The following POLG variants were observed in gnomAD, a reference collection of about 807,000 sequenced individuals.
POLG encodes the protein DNA polymerase gamma, catalytic subunit.
A neutral mutation model predicts 155.4 loss-of-function variants in POLG; 110 were observed. The observed-to-expected ratio is 0.71, with a 90% CI of 0.61 to 0.83. POLG has a LOEUF of 0.83. Ranked by LOEUF, POLG falls within the 40% of genes least tolerant of loss-of-function variation. The pLI is 0.00. For synonymous variants in POLG, 701 were observed against 631.5 expected (o/e 1.11, Z -1.65); for missense variants, 1,685 against 1,627.5 (o/e 1.04, Z -0.61).
chr15:89,333,461 G>T lies in POLG; in HGVS notation c.294C>A (p.Ala98=). The change falls in exon 2 of 23, where the codon GCC becomes GCA. Residue 98 remains alanine (A), a synonymous_variant. Transcript: ENST00000268124. ...GGTGCTCGACGCTGCGGCGCACCGC[G>T]GCCTCGCCAGGCATCTCCCCTCCTT... is the stretch of plus-strand genomic sequence containing the variant. ...FGQGGEMPGE[A]AVRRSVEHLQ... 6.2e-7 allele frequency: 1 copy of T among 1,611,272 alleles called. No homozygotes were observed.
chr15:89,316,622 C>T lies in POLG; in HGVS notation c.*129G>A, dbSNP rs909223789. On this transcript the variant is annotated 3_prime_UTR_variant, in exon 23 of 23. Coordinates refer to ENST00000268124, the MANE Select transcript of POLG (RefSeq NM_002693.3). ...GTTAGAAGGAATCTTCTTGGCAGGT[C>T]CTGCTACTGAAAAATGGCTGGCCTT... 5 of 1,113,954 alleles carry T rather than the reference C, an allele frequency of 4.5e-6. No homozygotes were observed. The African/African-American group carries it at 6.2e-5, about 14-fold the overall frequency. 69.0% of individuals were successfully genotyped at this position (1,113,954 alleles called of 1,614,324 possible).
rs2055467668 is a variant in POLG, at chr15:89,325,101, A to AGTGAGTGAGT, written c.1949+348_1949+349insACTCACTCAC. 5.6e-5 allele frequency among the ~76,000 whole-genome samples: 4 copies of AGTGAGTGAGT among 71,052 alleles called. 1 individual carries two copies. Among genetic ancestry groups the AGTGAGTGAGT allele is most frequent in the African/African-American group, 3.9e-4 (3 of 7,708 alleles). 46.6% of individuals were successfully genotyped at this position (71,052 alleles called of 152,430 possible). A position where few individuals can be genotyped will look rare whatever the true frequency, so the allele number is the denominator to read the frequency against. Reference sequence around the variant, plus strand: ...GTGAGTGAGAGAGTGAGTGAGTGAGAGAGTGAGAGAGAGTGAGTGAGTGAG... The same window carrying AGTGAGTGAGT: ...GTGAGTGAGAGAGTGAGTGAGTGAGAGTGAGTGAGTGAGTGAGAGAGAGTGAGTGAGTGAG... On this transcript the variant is annotated intron_variant, in intron 10 of 22. Transcript: ENST00000268124.
intron 13 of POLG, 92 bp downstream of exon 13, chr15:89,323,312 G>T (rs1204867448): frequency 1.3e-6 from 1 of 787,854 alleles, no homozygotes; most frequent in Non-Finnish European, 2.2e-6. Flanking sequence ...CCCACAAAAA[G>T]GAAAGTCTCA....
intron 2 of POLG, among the ~76,000 whole-genome samples, chr15:89,330,635 C>T (rs1485817505): frequency 6.6e-6 from 1 of 152,096 alleles, no homozygotes; most frequent in Non-Finnish European, 1.5e-5. Context: ...CATTATCAAC[C>T]CCTCACGTCT....
chr15:89,330,894 T>C (rs1350222008), intron 2 of POLG, among the ~76,000 whole-genome samples: 1 of 150,120 alleles, frequency 6.7e-6, no homozygotes, highest in Non-Finnish European at 1.5e-5. Flanking sequence ...TGTATGTGTA[T>C]GTGACAGGGT....
rs923761287 is a variant in POLG at position 89,334,705 on chromosome 15, TCCCCCGACCCCAGG to T, written c.-206_-193del. The stretch of plus-strand genomic sequence containing the variant: ...CTCACGGTGCTTCCCGGTCTGCTGC[TCCCCCGACCCCAGG>T]CCCACGGCACGGCGTCCCCCTTCGC... On this transcript the variant is annotated 5_prime_UTR_variant, in exon 1 of 23. Coordinates refer to ENST00000268124, the MANE Select transcript of POLG (RefSeq NM_002693.3). The T allele has an allele frequency of 1.3e-5, 2 of 152,002 alleles. No homozygotes were observed. The highest frequency in any genetic ancestry group is 4.9e-5 in the African/African-American group (2 of 41,236). 9.4% of individuals were successfully genotyped at this position (152,002 alleles called of 1,614,324 possible).
At chr15:89,325,049 T>TGA (rs1462523740) in intron 10 of POLG, among the ~76,000 whole-genome samples, 1 of 113,032 alleles carries the variant, frequency 8.8e-6, no homozygotes, top group African/African-American at 6.2e-5. Context: ...AGTGAGTGAG[T>TGA]GAGTGAGAGA....
In POLG at chr15:89,330,169, G is replaced by C. The variant is rs1240200135; in HGVS notation, c.767C>G (p.Pro256Arg). The C allele has an allele frequency of 5.0e-6, 8 of 1,613,922 alleles. No individual in the cohort carries two copies. The highest frequency in any genetic ancestry group is 6.8e-6 in the Non-Finnish European group (8 of 1,179,982). The change falls in exon 3 of 23, where the codon CCC becomes CGC. Residue 256 changes from proline (P) to arginine (R), a missense_variant. Pro to Arg is a moderately radical substitution (Grantham distance 103). This residue lies in a region of POLG where 1,210 missense variants were observed against 1,167.1 expected (regional missense o/e 1.04). Transcript: ENST00000268124. ...CTGCTCCTGCCAGTCTCTCTGGGTG[G>C]GGCTGCTGGCACCAGTAGGGACCTC... is the stretch of plus-strand genomic sequence containing the variant. ...PLEVPTGASS[P>R]TQRDWQEQLV...
intron 10 of POLG, among the ~76,000 whole-genome samples, chr15:89,325,069 T>TGAGTGAGTGAGTGAGA (rs1314550903): frequency 2.3e-5 from 2 of 86,730 alleles, no homozygotes; most frequent in African/African-American, 1.3e-4. Context: ...AGTGAGTGAG[T>TGAGTGAGTGAGTGAGA]GAGTGAGTGA....
Position 89,326,650 on chromosome 15 carries a change from G to A in POLG, c.1674C>T (p.Leu558=), listed in dbSNP as rs552085869. Residue 558 remains leucine, a synonymous_variant, in exon 9 of 23, where the codon CTC becomes CTT. Transcript: ENST00000268124. ...CLQKLKGTTE[L]LPKRPQHLPG... ...GAAGGTGCTGGGGCCGCTTGGGCAG[G>A]AGCTCTGTGGTCCCCTTCAGCTTCT... 8 of 1,614,108 alleles carry A rather than the reference G, an allele frequency of 5.0e-6. No homozygotes were observed. The Admixed American group carries it at 1.2e-4, about 24-fold the overall frequency.
chr15:89,324,468 C>A (rs1436528974), intron 10 of POLG, among the ~76,000 whole-genome samples: 1 of 152,244 alleles, frequency 6.6e-6, no homozygotes, highest in African/African-American at 2.4e-5. Context: ...GTTCCTCTTA[C>A]ACTACAGAGC....
rs1298686072 is a variant in POLG, at chr15:89,319,262, C to G, written c.3070G>C (p.Asp1024His). Residue 1024 changes from aspartate (D) to histidine (H), a missense_variant, in exon 19 of 23, where the codon GAT (aspartate) becomes CAT (histidine). Coordinates refer to ENST00000268124, the MANE Select transcript of POLG (RefSeq NM_002693.3). Reference sequence around the variant, plus strand: ...GTTTCTCTCTGGACCTTGCGCAGATCCTGCAGGGAAATCCAGCCACCCTCA... The same window carrying G: ...GTTTCTCTCTGGACCTTGCGCAGATGCTGCAGGGAAATCCAGCCACCCTCA... ...RTEGGWISLQ[D>H]LRKVQRETAR... 6.2e-7 allele frequency: 1 copy of G among 1,614,188 alleles called. No individual in the cohort carries two copies. Among genetic ancestry groups the G allele is most frequent in the Admixed American group, 1.7e-5 (1 of 60,026 alleles).
rs139488968 is a variant in POLG at position 89,319,308 on chromosome 15, C to T, written c.3024G>A (p.Leu1008=). The change falls in exon 19 of 23, where the codon TTG becomes TTA. Residue 1008 remains leucine (L), a synonymous_variant. Coordinates refer to ENST00000268124, the MANE Select transcript of POLG (RefSeq NM_002693.3). ...SDEGEWLVRE[L]NLPVDRTEGG... The stretch of plus-strand genomic sequence containing the variant: ...CCTCAGTCCTGTCCACTGGGAGGTT[C>T]AACTCCCTCACCAGCCACTCGCCCT... 3.2e-5 allele frequency: 51 copies of T among 1,614,028 alleles called. No homozygotes were observed. Among genetic ancestry groups the T allele is most frequent in the Non-Finnish European group, 4.2e-5 (49 of 1,180,014 alleles).
rs1335880349 is a variant in POLG at position 89,317,374 on chromosome 15, A to G, written c.3643+2T>C. On this transcript the variant is annotated splice_donor_variant, in intron 22 of 22. Transcript: ENST00000268124. LOFTEE classifies it high-confidence loss of function. ...AATGAGGAACAAATGTGTTGTGCTC[A>G]CCCTGGGGAATCCCGTATCTCCTTT... The G allele has an allele frequency of 3.7e-6, 6 of 1,613,830 alleles. No homozygotes were observed. The highest frequency in any genetic ancestry group is 5.1e-6 in the Non-Finnish European group (6 of 1,179,780).
At position 89,322,726 on chromosome 15, in the gene POLG, TC is replaced by T; in HGVS notation, c.2426+15del. On this transcript the variant is annotated intron_variant, in intron 14 of 22. Transcript: ENST00000268124. ...GAGGGGAAAGGCATCCCAGGACTCC[TC>T]CCATGGTGGCCCACCTGATACGTTT... The T allele has an allele frequency of 6.2e-7, 1 of 1,613,248 alleles. No individual in the cohort carries two copies. Among genetic ancestry groups the T allele is most frequent in the East Asian group, 2.2e-5 (1 of 44,858 alleles).
intron 22 of POLG, 86 bp downstream of exon 22, chr15:89,317,290 G>A (rs942296016): frequency 1.5e-6 from 2 of 1,344,296 alleles, no homozygotes; most frequent in African/African-American, 2.9e-5. Context: ...GATTCTCTGG[G>A]GCCCCAAGTT....
intron 13 of POLG, 53 bp downstream of exon 13, chr15:89,323,351 G>T: frequency 8.7e-7 from 1 of 1,150,338 alleles, no homozygotes; most frequent in Non-Finnish European, 1.3e-6. Context: ...CCTGCTGTGG[G>T]CCTTGAGCAG....
rs2055464319 is a variant in POLG at position 89,325,085 on chromosome 15, A to AGAGTGAGAGAGTGAGT, written c.1949+364_1949+365insACTCACTCTCTCACTC. Among the ~76,000 whole-genome samples, 2 of 77,676 alleles carry AGAGTGAGAGAGTGAGT rather than the reference A, an allele frequency of 2.6e-5. 1 individual carries two copies. Among genetic ancestry groups the AGAGTGAGAGAGTGAGT allele is most frequent in the African/African-American group, 1.7e-4 (2 of 11,444 alleles). The allele number at this position is 77,676 out of a possible 152,430, so 51.0% of individuals were successfully genotyped here. ...GTGAGTGAGTGAGTGAGTGAGTGAG[A>AGAGTGAGAGAGTGAGT]GAGTGAGTGAGTGAGAGAGTGAGAG... On this transcript the variant is annotated intron_variant, in intron 10 of 22. Coordinates refer to ENST00000268124, the MANE Select transcript of POLG (RefSeq NM_002693.3).
rs2307443 is a variant in POLG at position 89,317,422 on chromosome 15, G to T, written c.3597C>A (p.Thr1199=). The T allele has an allele frequency of 0.01, 16,375 of 1,613,984 alleles. 118 individuals are homozygous for T. The highest frequency in any genetic ancestry group is 0.012 in the Non-Finnish European group (14,156 of 1,179,918). ...LRKEVTMDCK[T]PSNPTGMERR... is the part of the protein sequence containing the mutation. Reference sequence around the variant, plus strand: ...TTTCCATCCCAGTTGGGTTGGAAGGGGTTTTACAATCCATGGTCACTTCCT... The same window carrying T: ...TTTCCATCCCAGTTGGGTTGGAAGGTGTTTTACAATCCATGGTCACTTCCT... The change falls in exon 22 of 23, where the codon ACC becomes ACA. Residue 1199 remains threonine, a synonymous_variant. Coordinates refer to ENST00000268124, the MANE Select transcript of POLG (RefSeq NM_002693.3).
Sources: gnomAD v4.1 joint callset for allele counts (sites outside exome capture counted in the v4.1 genomes callset) on GRCh38, gnomAD v4.1.1 for gene constraint, gnomAD v4.1.1 regional missense constraint, MANE v1.5 for transcripts, NCBI Gene and HGNC (gene_info 2026-07-23, HGNC 2026-07-21) for gene names.